The following DIAPH2 variants were observed in gnomAD, a reference collection of about 807,000 sequenced individuals.
DIAPH2 encodes diaphanous related formin 2.
DIAPH2 carries 35 observed loss-of-function variants against 92.7 expected under a neutral mutation model. The observed-to-expected ratio is 0.38, with a 90% CI of 0.29 to 0.50. The LOEUF (loss-of-function observed/expected upper bound fraction) is 0.50. Among genes scored for constraint, DIAPH2 ranks in the 20% least tolerant of loss-of-function variants. The pLI, the probability that DIAPH2 is intolerant of heterozygous loss-of-function variation, is 0.94. For synonymous variants in DIAPH2, 301 were observed against 280.4 expected, an observed-to-expected ratio of 1.07 and a Z score of -0.73; for missense variants, 701 against 819.5, an observed-to-expected ratio of 0.86 and a Z score of 1.77.
Position 97,345,087 on chromosome X carries a change from A to C in DIAPH2, c.2845-3029A>C, listed in dbSNP as rs781045001. 2.7e-5 allele frequency among the ~76,000 whole-genome samples: 3 copies of C among 112,109 alleles called. No homozygotes were observed. The Admixed American group carries it at 2.9e-4, about 11-fold the overall frequency. ...GCTATGCTTAAATATGATGATAAACATTTTCTTAAAAACCAATATATATAT... is the reference window on the plus strand; with the variant it reads ...GCTATGCTTAAATATGATGATAAACCTTTTCTTAAAAACCAATATATATAT... On this transcript the variant is annotated intron_variant, in intron 23 of 26. Transcript: ENST00000324765.
chrX:97,106,018 G>A (rs1244471427), intron 20 of DIAPH2, among the ~76,000 whole-genome samples: 1 of 111,166 alleles, frequency 9.0e-6, no homozygotes, highest in Non-Finnish European at 1.9e-5. Context: ...GAGCTTATGA[G>A]CTATAAAGAT....
intron 22 of DIAPH2, among the ~76,000 whole-genome samples, chrX:97,158,721 T>G (rs1344238683): frequency 8.9e-6 from 1 of 112,473 alleles, no homozygotes; most frequent in Non-Finnish European, 1.9e-5. Context: ...ACAATTCTAA[T>G]GCAGAGTCAC....
At chrX:96,700,266 C>T (rs2063847800) in intron 1 of DIAPH2, among the ~76,000 whole-genome samples, 2 of 112,215 alleles carry the variant, frequency 1.8e-5, no homozygotes, top group South Asian at 7.4e-4. Context: ...GTCTCAGCCT[C>T]CCAAAGTGAT....
chrX:97,265,642 G>A (rs146398263), intron 23 of DIAPH2, among the ~76,000 whole-genome samples: 34 of 111,948 alleles, frequency 3.0e-4, no homozygotes, highest in Non-Finnish European at 5.8e-4. Flanking sequence ...GTTCAAAATT[G>A]TATGGAAATG....
intron 24 of DIAPH2, among the ~76,000 whole-genome samples, chrX:97,370,802 T>G (rs2069440837): frequency 8.9e-6 from 1 of 111,915 alleles, no homozygotes; most frequent in Admixed American, 9.5e-5. Context: ...ATTGTGAATA[T>G]AAAATAATGA....
chrX:97,130,921 A>G (rs1430987391), intron 21 of DIAPH2, among the ~76,000 whole-genome samples: 1 of 110,473 alleles, frequency 9.1e-6, no homozygotes, highest in African/African-American at 3.3e-5. Context: ...CCTGAGCAAC[A>G]TGGCAAAACC....
intron 17 of DIAPH2, among the ~76,000 whole-genome samples, chrX:97,056,826 G>A (rs1324250145): frequency 9.0e-6 from 1 of 111,585 alleles, no homozygotes; most frequent in Non-Finnish European, 1.9e-5. Flanking sequence ...GAAATGATAG[G>A]CAAATATACT....
intron 19 of DIAPH2, among the ~76,000 whole-genome samples, chrX:97,098,778 T>C (rs1358076421): frequency 2.7e-5 from 3 of 112,937 alleles, no homozygotes; most frequent in African/African-American, 9.6e-5. Context: ...TCCACTCTTA[T>C]GACCTAATTG....
At chrX:97,059,015 G>A (rs1010771085) in intron 17 of DIAPH2, among the ~76,000 whole-genome samples, 3 of 111,794 alleles carry the variant, frequency 2.7e-5, no homozygotes, top group Non-Finnish European at 5.7e-5. Flanking sequence ...ATTTGACTTC[G>A]GTCTTAATGG....
chrX:96,738,650 C>G lies in DIAPH2; in HGVS notation c.230C>G (p.Pro77Arg). ...AAAGAAAAACCTCTTATTCAACATC[C>G]TATTGATTCTCAAGTCGCGATGAGT... ...VKKEKPLIQH[P>R]IDSQVAMSEF... Residue 77 changes from proline to arginine, a missense_variant, in exon 3 of 27, where the codon CCT (proline) becomes CGT (arginine). Coordinates refer to ENST00000324765, the MANE Select transcript of DIAPH2 (RefSeq NM_006729.5). 1 of 1,206,235 alleles carries G rather than the reference C, an allele frequency of 8.3e-7. No homozygotes were observed. Among genetic ancestry groups the G allele is most frequent in the Non-Finnish European group, 1.1e-6 (1 of 892,066 alleles).
chrX:97,253,204 C>G (rs1319099675), intron 23 of DIAPH2, among the ~76,000 whole-genome samples: 1 of 108,734 alleles, frequency 9.2e-6, no homozygotes, highest in African/African-American at 3.4e-5. Context: ...AGGAGAATCA[C>G]TTGAACCTGG....
intron 26 of DIAPH2, among the ~76,000 whole-genome samples, chrX:97,513,931 C>T (rs1401212248): frequency 1.9e-5 from 2 of 103,911 alleles, no homozygotes; most frequent in Non-Finnish European, 3.9e-5. Context: ...TTCTCTCTGG[C>T]TGCCCTTAAC....
At position 97,151,408 on chromosome X, in the gene DIAPH2, T is replaced by C. The variant is rs763889698; in HGVS notation, c.2719+9614T>C. 1.5e-4 allele frequency among the ~76,000 whole-genome samples: 17 copies of C among 111,683 alleles called. 1 individual carries two copies. In the East Asian group the frequency reaches 4.8e-3, roughly 31 times the overall value. On this transcript the variant is annotated intron_variant, in intron 22 of 26. Coordinates refer to ENST00000324765, the MANE Select transcript of DIAPH2 (RefSeq NM_006729.5). ...ATAGTGATCACATGCATTGTATAAG[T>C]GTAAATAGGCAGCTGCTGTCAGAGT...
At chrX:97,001,718 CAG>C (rs1196902510) in intron 17 of DIAPH2, among the ~76,000 whole-genome samples, 4 of 111,578 alleles carry the variant, frequency 3.6e-5, no homozygotes, top group African/African-American at 1.3e-4. Context: ...TGGAGTGTAT[CAG>C]TGTTGAATTC....
intron 5 of DIAPH2, chrX:96,884,398 G>A (rs1474638734): frequency 3.3e-6 from 4 of 1,210,222 alleles, no homozygotes; most frequent in African/African-American, 3.5e-5. Context: ...TGAGAGAGAT[G>A]CAACTCCTGC....
In DIAPH2 at chrX:97,164,064, A is replaced by G. The variant is rs1190092729; in HGVS notation, c.2719+22270A>G. ...TAAGTCTTTGAGGATCTCTGATATC[A>G]AACAAATAAGCAAGAGTCACTAAAA... On this transcript the variant is annotated intron_variant, in intron 22 of 26. Coordinates refer to ENST00000324765, the MANE Select transcript of DIAPH2 (RefSeq NM_006729.5). Among the ~76,000 whole-genome samples the G allele has an allele frequency of 3.6e-5, 4 of 112,467 alleles. No individual in the cohort carries two copies. In the East Asian group the frequency reaches 1.1e-3, roughly 31 times the overall value.
At chrX:97,338,886 A>T (rs1183802264) in intron 23 of DIAPH2, among the ~76,000 whole-genome samples, 1 of 111,886 alleles carries the variant, frequency 8.9e-6, no homozygotes, top group African/African-American at 3.2e-5. Context: ...TGATGAAGTG[A>T]TCCTACTTTA....
intron 1 of DIAPH2, among the ~76,000 whole-genome samples, chrX:96,698,344 G>A (rs187141955): frequency 1.1e-3 from 127 of 111,776 alleles, no homozygotes; most frequent in Non-Finnish European, 2.0e-3. Context: ...ATTGTTTCTT[G>A]TTTAGGGGAG....
chrX:96,976,318 C>T (rs1355757523), intron 17 of DIAPH2, among the ~76,000 whole-genome samples: 1 of 109,938 alleles, frequency 9.1e-6, no homozygotes, highest in Non-Finnish European at 1.9e-5. Flanking sequence ...AATAGGATTT[C>T]ACCATGTTGC....
Sources: allele counts gnomAD v4.1 joint callset (sites outside exome capture counted in the v4.1 genomes callset), GRCh38; gene constraint gnomAD v4.1.1; transcripts MANE v1.5; gene names NCBI Gene and HGNC (gene_info 2026-07-23, HGNC 2026-07-21).